The following INPP4B variants were observed in gnomAD, a reference collection of about 807,000 sequenced individuals.
INPP4B encodes the protein inositol polyphosphate 4-phosphatase type II.
A neutral mutation model predicts 122.5 loss-of-function variants in INPP4B; 55 were observed. The ratio of observed to expected loss-of-function variants is 0.45; its 90% CI spans 0.36 to 0.56. The LOEUF is 0.56. INPP4B is among the 20% of genes least tolerant of loss of function. INPP4B has a pLI of 0.00. For missense variants in INPP4B, 1,000 were observed against 1,097.7 expected (o/e 0.91, Z 1.26); for synonymous variants, 403 against 388.7 (o/e 1.04, Z -0.43).
intron 9 of INPP4B, among the ~76,000 whole-genome samples, chr4:142,303,629 A>G (rs1356181232): frequency 6.6e-6 from 1 of 152,102 alleles, no homozygotes; most frequent in East Asian, 1.9e-4. Flanking sequence ...GTTCATAGGG[A>G]GAGAAAACCA....
At chr4:142,149,586 G>A (rs1016378825) in intron 17 of INPP4B, among the ~76,000 whole-genome samples, 1 of 152,140 alleles carries the variant, frequency 6.6e-6, no homozygotes, top group Non-Finnish European at 1.5e-5. Flanking sequence ...AGAAACCCAG[G>A]AAGGGTCAGG....
At chr4:142,210,850 G>A (rs1052401633) in intron 12 of INPP4B, among the ~76,000 whole-genome samples, 1 of 152,172 alleles carries the variant, frequency 6.6e-6, no homozygotes, top group Non-Finnish European at 1.5e-5. Context: ...TGATAGTGAA[G>A]CCCCTGACCA....
chr4:142,660,336 G>A (rs1194110618), intron 2 of INPP4B, among the ~76,000 whole-genome samples: 2 of 152,020 alleles, frequency 1.3e-5, no homozygotes, highest in African/African-American at 2.4e-5. Flanking sequence ...GGAAGAGAAG[G>A]GAACTAGAGA....
rs190111273 is a variant in INPP4B at position 142,098,039 on chromosome 4, G to T, written c.2374+10054C>A. 9.2e-5 allele frequency among the ~76,000 whole-genome samples: 14 copies of T among 152,260 alleles called. No individual in the cohort carries two copies. The East Asian group carries it at 2.7e-3, about 30-fold the overall frequency. ...CTTTAAGAGAGAAGGGTTCCAGCGGGCAAGAGATTGCAATTTTAAAGAGGG... is the reference window on the plus strand; with the variant it reads ...CTTTAAGAGAGAAGGGTTCCAGCGGTCAAGAGATTGCAATTTTAAAGAGGG... On this transcript the variant is annotated intron_variant, in intron 23 of 25. Coordinates refer to ENST00000262992, the MANE Select transcript of INPP4B (RefSeq NM_001101669.3).
intron 1 of INPP4B, among the ~76,000 whole-genome samples, chr4:142,744,858 T>C (rs1229324431): frequency 1.3e-5 from 2 of 151,882 alleles, no homozygotes; most frequent in Admixed American, 6.6e-5. Flanking sequence ...TAAGATGTTA[T>C]TCCTCCTTAT....
chr4:142,646,624 G>A (rs1031787880), intron 2 of INPP4B, among the ~76,000 whole-genome samples: 3 of 152,268 alleles, frequency 2.0e-5, no homozygotes, highest in Non-Finnish European at 2.9e-5. Context: ...AAAAATAATG[G>A]AGAATGTGTT....
intron 23 of INPP4B, among the ~76,000 whole-genome samples, chr4:142,090,293 A>ATTT (rs5862572): frequency 3.3e-4 from 49 of 149,852 alleles, no homozygotes; most frequent in African/African-American, 7.8e-4. Flanking sequence ...AGTAATTTTG[A>ATTT]TTTTTTTTTT....
chr4:142,243,576 A>G (rs914505164), intron 11 of INPP4B, among the ~76,000 whole-genome samples: 9 of 152,210 alleles, frequency 5.9e-5, no homozygotes, highest in African/African-American at 2.2e-4. Flanking sequence ...CACTGAGGCA[A>G]CATCCATTTA....
At chr4:142,248,189 G>T (rs186617714) in intron 11 of INPP4B, among the ~76,000 whole-genome samples, 2 of 152,000 alleles carry the variant, frequency 1.3e-5, no homozygotes, top group Non-Finnish European at 2.9e-5. Flanking sequence ...CTTTAAGAGG[G>T]TATCAGTGAA....
chr4:142,524,477 G>A (rs1349764449), intron 2 of INPP4B, among the ~76,000 whole-genome samples: 4 of 151,978 alleles, frequency 2.6e-5, no homozygotes, highest in Admixed American at 6.6e-5. Context: ...GTCTGTTCAT[G>A]TCCTTTGCCC....
intron 2 of INPP4B, among the ~76,000 whole-genome samples, chr4:142,691,777 T>C (rs1760219999): frequency 6.6e-6 from 1 of 152,066 alleles, no homozygotes; most frequent in Non-Finnish European, 1.5e-5. Context: ...CCTTCCTCCC[T>C]TGAGGAGCTA....
chr4:142,425,695 C>T (rs971110516), intron 5 of INPP4B, among the ~76,000 whole-genome samples: 4 of 151,902 alleles, frequency 2.6e-5, no homozygotes, highest in East Asian at 3.9e-4. Context: ...GTCTCTCTTT[C>T]GCCCAAGTCA....
intron 14 of INPP4B, among the ~76,000 whole-genome samples, chr4:142,201,767 C>A (rs1268314788): frequency 6.6e-6 from 1 of 151,698 alleles, no homozygotes; most frequent in African/African-American, 2.4e-5. Flanking sequence ...TATAAGAAAA[C>A]AAAATTAAAA....
intron 7 of INPP4B, among the ~76,000 whole-genome samples, chr4:142,339,316 G>A (rs77981442): frequency 0.01 from 1,526 of 152,278 alleles, 32 homozygotes; most frequent in African/African-American, 0.035. Flanking sequence ...ATGCTTGTGT[G>A]CAAAAGGAGA....
intron 12 of INPP4B, among the ~76,000 whole-genome samples, chr4:142,233,271 G>T (rs927899139): frequency 2.0e-4 from 30 of 151,860 alleles, no homozygotes; most frequent in Admixed American, 6.6e-5. Context: ...ATATGAAAGG[G>T]ACTTAGACAC....
At chr4:142,179,130 T>C (rs1346512087) in intron 15 of INPP4B, among the ~76,000 whole-genome samples, 1 of 152,172 alleles carries the variant, frequency 6.6e-6, no homozygotes. Flanking sequence ...AAATGAGTTA[T>C]ATGATCTGTA....
At chr4:142,641,593 A>G (rs976988803) in intron 2 of INPP4B, among the ~76,000 whole-genome samples, 8 of 152,196 alleles carry the variant, frequency 5.3e-5, no homozygotes, top group African/African-American at 1.9e-4. Context: ...TACAAAGGAC[A>G]TGAACTCATC....
intron 2 of INPP4B, among the ~76,000 whole-genome samples, chr4:142,513,915 A>G (rs917734480): frequency 6.6e-6 from 1 of 152,096 alleles, no homozygotes; most frequent in Non-Finnish European, 1.5e-5. Context: ...GTAGAAACAG[A>G]CAATTTAAAA....
chr4:142,715,220 AG>A (rs2150812691), intron 2 of INPP4B, among the ~76,000 whole-genome samples: 1 of 152,326 alleles, frequency 6.6e-6, no homozygotes, highest in East Asian at 1.9e-4. Context: ...TGCAAATTGG[AG>A]CAGTATCATC....
Sources: gnomAD v4.1 joint callset for allele counts (sites outside exome capture counted in the v4.1 genomes callset) on GRCh38, gnomAD v4.1.1 for gene constraint, MANE v1.5 for transcripts, NCBI Gene and HGNC (gene_info 2026-07-23, HGNC 2026-07-21) for gene names.